KIRREL3: variants seen among roughly 807,000 people sequenced by gnomAD.
KIRREL3 encodes the protein kin of IRRE-like protein 3.
Under a neutral mutation model 89.7 loss-of-function variants are expected in KIRREL3, and 36 were observed. The ratio of observed to expected loss-of-function variants is 0.40; its 90% CI spans 0.31 to 0.53. KIRREL3 has a LOEUF of 0.53. Among genes scored for constraint, KIRREL3 ranks in the 20% least tolerant of loss-of-function variants. The pLI is 0.49. For missense variants in KIRREL3, 864 were observed against 1,056.6 expected (o/e 0.82, Z 2.53); for synonymous variants, 445 against 441.4 (o/e 1.01, Z -0.10).
chr11:126,554,696 G>T (rs906092632), intron 2 of KIRREL3, among the ~76,000 whole-genome samples: 1 of 152,170 alleles, frequency 6.6e-6, no homozygotes, highest in Admixed American at 6.5e-5. Flanking sequence ...GGGGAGACAG[G>T]TGTTATTAAC....
rs1591742529 is a variant in KIRREL3 at position 126,562,475 on chromosome 11, G to A, written c.133+360C>T. ...CATTCAAGAAACATGAGTGATGGAG[G>A]AGGCAAGTAGAGAGGTCTGGATTAG... On this transcript the variant is annotated intron_variant, in intron 2 of 16. Transcript: ENST00000525144. This position sits in a 1 kb window ranked among gnomAD's most constrained non-coding sequence, Gnocchi z 4.7. Among the ~76,000 whole-genome samples the A allele has an allele frequency of 1.3e-5, 2 of 152,320 alleles. No homozygotes were observed. The highest frequency in any genetic ancestry group is 1.5e-5 in the Non-Finnish European group (1 of 68,030).
At chr11:126,543,159 G>A (rs918409825) in intron 2 of KIRREL3, among the ~76,000 whole-genome samples, 2 of 152,106 alleles carry the variant, frequency 1.3e-5, no homozygotes, top group African/African-American at 4.8e-5. Context: ...AGCCTCAGCT[G>A]GTCTGCATCA....
At chr11:126,660,311 G>A (rs1255803462) in intron 1 of KIRREL3, among the ~76,000 whole-genome samples, 2 of 152,178 alleles carry the variant, frequency 1.3e-5, no homozygotes, top group Non-Finnish European at 2.9e-5. Context: ...TCCAAATGAT[G>A]ATACCTCAGA....
intron 1 of KIRREL3, among the ~76,000 whole-genome samples, chr11:126,657,469 C>T (rs1442207286): frequency 6.6e-6 from 1 of 152,162 alleles, no homozygotes; most frequent in African/African-American, 2.4e-5. Context: ...TGTGGCAGGG[C>T]ACAGGTCTGA....
chr11:126,944,301 T>C (rs1948552817), intron 1 of KIRREL3: 1 of 152,152 alleles, frequency 6.6e-6, no homozygotes. Flanking sequence ...TACGTGTGTG[T>C]TTTTCTCTGG....
In KIRREL3 at chr11:126,462,493, CA is replaced by C. The variant is rs1956581390; in HGVS notation, c.742+663del. Among the ~76,000 whole-genome samples the C allele has an allele frequency of 6.6e-6, 1 of 152,038 alleles. No individual in the cohort carries two copies. Among genetic ancestry groups the C allele is most frequent in the African/African-American group, 2.4e-5 (1 of 41,404 alleles). ...CAGCTTGGCCAATATGGTGAAACCC[CA>C]TATCTACTAAAGATACAGAAATTAG... On this transcript the variant is annotated intron_variant, in intron 6 of 16. Transcript: ENST00000525144. The surrounding 1 kb of genome is among the most constrained non-coding windows in gnomAD (Gnocchi z 4.8).
At chr11:126,582,889 C>T (rs79371477) in intron 1 of KIRREL3, among the ~76,000 whole-genome samples, 6,547 of 152,278 alleles carry the variant, frequency 0.043, 205 homozygotes, top group African/African-American at 0.076. Flanking sequence ...ATCTGAGGTA[C>T]TGAAGAAGTA....
In KIRREL3 at chr11:126,639,925, G is replaced by C. The variant is rs1295958536; in HGVS notation, c.56-77013C>G. 6.6e-6 allele frequency among the ~76,000 whole-genome samples: 1 copy of C among 152,138 alleles called. No homozygotes were observed. The highest frequency in any genetic ancestry group is 1.5e-5 in the Non-Finnish European group (1 of 68,022). ...ATAGAAAGGCCACTTGCTTAATTGG[G>C]AACACTTTAATATAGATATCCATTA... On this transcript the variant is annotated intron_variant, in intron 1 of 16. Coordinates refer to ENST00000525144, the MANE Select transcript of KIRREL3 (RefSeq NM_032531.4). The surrounding 1 kb of genome is among the most constrained non-coding windows in gnomAD (Gnocchi z 4.3).
At chr11:126,864,631 C>T (rs1029198110) in intron 1 of KIRREL3, among the ~76,000 whole-genome samples, 1 of 152,192 alleles carries the variant, frequency 6.6e-6, no homozygotes, top group East Asian at 1.9e-4. Flanking sequence ...GATCTTTTTC[C>T]ATAAGAAGTA....
At chr11:126,922,340 C>T (rs1947384310) in intron 1 of KIRREL3, among the ~76,000 whole-genome samples, 1 of 152,072 alleles carries the variant, frequency 6.6e-6, no homozygotes, top group African/African-American at 2.4e-5. Flanking sequence ...CAAACCTTCT[C>T]CACTTTATAA....
Position 126,463,204 on chromosome 11 carries a change from T to C in KIRREL3, c.695A>G (p.Lys232Arg), listed in dbSNP as rs770981084. 6.2e-7 allele frequency: 1 copy of C among 1,613,700 alleles called. No individual in the cohort carries two copies. The highest frequency in any genetic ancestry group is 1.1e-5 in the South Asian group (1 of 91,062). ...CGTCTCCTTTCCTCCGGGGATGGCT[T>C]TGTTGGTGGCACGACACACGATGCT... is the stretch of plus-strand genomic sequence containing the variant. ...GQSIVCRATN[K>R]AIPGGKETSV... is the part of the protein sequence containing the mutation. Residue 232 changes from lysine (K) to arginine (R), a missense_variant, in exon 6 of 17, where the codon AAA becomes AGA. By Grantham distance (26) the Lys-to-Arg change is conservative (BLOSUM62 2). Coordinates refer to ENST00000525144, the MANE Select transcript of KIRREL3 (RefSeq NM_032531.4). The surrounding 1 kb of genome is among the most constrained non-coding windows in gnomAD (Gnocchi z 5.9).
intron 1 of KIRREL3, among the ~76,000 whole-genome samples, chr11:126,973,613 ACT>A: frequency 6.6e-6 from 1 of 152,256 alleles, no homozygotes; most frequent in East Asian, 1.9e-4. Flanking sequence ...GAGACAGAAA[ACT>A]CAACTTCAGA....
In KIRREL3 at chr11:126,531,265, C is replaced by A. The variant is rs989198523; in HGVS notation, c.134-4578G>T. On this transcript the variant is annotated intron_variant, in intron 2 of 16. Coordinates refer to ENST00000525144, the MANE Select transcript of KIRREL3 (RefSeq NM_032531.4). This position sits in a 1 kb window ranked among gnomAD's most constrained non-coding sequence, Gnocchi z 4.7. Reference sequence around the variant, plus strand: ...CTCGTTGCCTCAACCTGGGCTCTTGCCACAGACTCTGAATGTTCTCTTTGC... The same window carrying A: ...CTCGTTGCCTCAACCTGGGCTCTTGACACAGACTCTGAATGTTCTCTTTGC... Among the ~76,000 whole-genome samples, 1 of 152,218 alleles carries A rather than the reference C, an allele frequency of 6.6e-6. No homozygotes were observed. Among genetic ancestry groups the A allele is most frequent in the African/African-American group, 2.4e-5 (1 of 41,444 alleles).
chr11:126,960,527 G>T (rs1255325231), intron 1 of KIRREL3, among the ~76,000 whole-genome samples: 2 of 152,158 alleles, frequency 1.3e-5, no homozygotes, highest in African/African-American at 2.4e-5. Flanking sequence ...CATCAAGACG[G>T]ATCTGATTTG....
At position 126,530,950 on chromosome 11, in the gene KIRREL3, C is replaced by A. The variant is rs1404648453; in HGVS notation, c.134-4263G>T. On this transcript the variant is annotated intron_variant, in intron 2 of 16. Transcript: ENST00000525144. This position sits in a 1 kb window ranked among gnomAD's most constrained non-coding sequence, Gnocchi z 5.8. ...GGTTCAAGCGATTCTTCTGCCTCAG[C>A]CTCTTGAGTAGCTGGGATTACAGGC... Among the ~76,000 whole-genome samples the A allele has an allele frequency of 1.3e-5, 2 of 152,152 alleles. No homozygotes were observed. The highest frequency in any genetic ancestry group is 2.9e-5 in the Non-Finnish European group (2 of 68,040).
chr11:126,854,674 C>G (rs1389769012), intron 1 of KIRREL3, among the ~76,000 whole-genome samples: 1 of 152,190 alleles, frequency 6.6e-6, no homozygotes, highest in Non-Finnish European at 1.5e-5. Context: ...AATAATGTTG[C>G]CATGAACACG....
intron 1 of KIRREL3, among the ~76,000 whole-genome samples, chr11:126,934,014 A>C (rs1793649): frequency 0.35 from 50,004 of 141,648 alleles, 9,017 homozygotes; most frequent in Middle Eastern, 0.57. Flanking sequence ...AAAAAAAAAA[A>C]ATGCAAAAGA....
Position 126,694,796 on chromosome 11 carries a change from A to T in KIRREL3, c.56-131884T>A, listed in dbSNP as rs1947022360. On this transcript the variant is annotated intron_variant, in intron 1 of 16. Transcript: ENST00000525144. The surrounding 1 kb of genome is among the most constrained non-coding windows in gnomAD (Gnocchi z 4.4). ...AGAGTGCTTACTCAGTATCAGGTAG[A>T]TGCTCACTAAATGTAAAACTCCCTT... Among the ~76,000 whole-genome samples the T allele has an allele frequency of 6.6e-6, 1 of 152,224 alleles. No homozygotes were observed. The highest frequency in any genetic ancestry group is 1.9e-4 in the East Asian group (1 of 5,202).
rs200243864 is a variant in KIRREL3 at position 126,449,136 on chromosome 11, G to T, written c.870C>A (p.Ile290=). 1,521 of 1,613,968 alleles carry T rather than the reference G, an allele frequency of 9.4e-4. 7 individuals carry two copies. Among genetic ancestry groups the T allele is most frequent in the Middle Eastern group, 3.6e-3 (22 of 6,054 alleles). The change falls in exon 8 of 17, where the codon ATC becomes ATA. Residue 290 remains isoleucine (I), a synonymous_variant. Coordinates refer to ENST00000525144, the MANE Select transcript of KIRREL3 (RefSeq NM_032531.4). ...ACACCTCTCCAGATGCCTCCTTGAT[G>T]ATCTGGCCCCGCTTGGCCCACCTGC... The part of the protein sequence containing the change: ...TQYRWAKRGQ[I]IKEASGEVYR...
Sources: allele counts gnomAD v4.1 joint callset (sites outside exome capture counted in the v4.1 genomes callset), GRCh38; gene constraint gnomAD v4.1.1; non-coding constraint Gnocchi (gnomAD v3.1); transcripts MANE v1.5; gene names NCBI Gene and HGNC (gene_info 2026-07-23, HGNC 2026-07-21).